Variants in ABCA4 observed in about 807,000 individuals in gnomAD.
ABCA4 encodes the protein retinal-specific phospholipid-transporting ATPase ABCA4.
Under a neutral mutation model 263.7 loss-of-function variants are expected in ABCA4, and 196 were observed. The observed-to-expected ratio is 0.74, with a 90% CI of 0.66 to 0.84. The LOEUF is 0.84. ABCA4 is among the 40% of genes least tolerant of loss of function. The probability of loss-of-function intolerance (pLI) is 0.00; values close to 1 mark genes in which losing one functional copy is unlikely to be tolerated. For missense variants in ABCA4, 2,792 were observed against 2,855.1 expected (o/e 0.98, Z 0.50); for synonymous variants, 1,133 against 1,094.2 (o/e 1.04, Z -0.70).
chr1:94,058,353 A>G (rs1490236274), intron 14 of ABCA4, among the ~76,000 whole-genome samples: 5 of 152,064 alleles, frequency 3.3e-5, no homozygotes. Context: ...GAATGAAATC[A>G]ATTTCTTTTT....
rs1660568001 is a variant in ABCA4, at chr1:94,043,274, G to A, written c.3190+62C>T. On this transcript the variant is annotated intron_variant, in intron 21 of 49. Coordinates refer to ENST00000370225, the MANE Select transcript of ABCA4 (RefSeq NM_000350.3). ...CTGCTCCAAGCCTCCCCTGCCTCCT[G>A]GGTGCACTGGGGAGCCATGGATTTG... 1.9e-6 allele frequency: 3 copies of A among 1,609,784 alleles called. No individual in the cohort carries two copies. The Admixed American group carries it at 5.0e-5, about 27-fold the overall frequency.
intron 36 of ABCA4, 107 bp from the exon 37 acceptor site, chr1:94,015,961 T>C: frequency 1.0e-6 from 1 of 956,158 alleles, no homozygotes; most frequent in South Asian, 1.4e-5. Flanking sequence ...GGTCTGGGAT[T>C]CTGATTCGAC....
At chr1:94,031,740 G>T in intron 27 of ABCA4, 38 bp downstream of exon 27, 1 of 1,612,096 alleles carries the variant, frequency 6.2e-7, no homozygotes, top group South Asian at 1.1e-5. Flanking sequence ...TGGGAGAGGA[G>T]CCACTGAGCT....
intron 1 of ABCA4, among the ~76,000 whole-genome samples, chr1:94,115,743 G>A (rs532091676): frequency 6.6e-6 from 1 of 152,252 alleles, no homozygotes; most frequent in South Asian, 2.1e-4. Context: ...TGCCTTACAG[G>A]GTTGTCGCAA....
In ABCA4 at chr1:94,098,888, A is replaced by C. The variant is rs1662211238; in HGVS notation, c.674T>G (p.Val225Gly). 1 of 1,613,916 alleles carries C rather than the reference A, an allele frequency of 6.2e-7. No individual in the cohort carries two copies. The highest frequency in any genetic ancestry group is 1.3e-5 in the African/African-American group (1 of 74,922). Reference protein sequence around the residue: ...IFSQRRGAKTVRYALCSLSQG... With the variant: ...IFSQRRGAKTGRYALCSLSQG... ...GGAGAGGGAGCACAGGGCATAGCGCACCGTCTTTGCCCCGCGTCTCTGGCT... is the reference window on the plus strand; with the variant it reads ...GGAGAGGGAGCACAGGGCATAGCGCCCCGTCTTTGCCCCGCGTCTCTGGCT... The change falls in exon 6 of 50, where the codon GTG becomes GGG. Residue 225 changes from valine to glycine, a missense_variant. By Grantham distance (109) the Val-to-Gly change is moderately radical. Coordinates refer to ENST00000370225, the MANE Select transcript of ABCA4 (RefSeq NM_000350.3).
intron 6 of ABCA4, among the ~76,000 whole-genome samples, chr1:94,097,706 T>G (rs1446402311): frequency 6.6e-6 from 1 of 152,136 alleles, no homozygotes; most frequent in Non-Finnish European, 1.5e-5. Context: ...GATTTAGCAC[T>G]TGCATCTTTT....
rs774460912 is a variant in ABCA4, at chr1:94,001,889, G to A, written c.6251C>T (p.Ala2084Val). The A allele has an allele frequency of 3.7e-6, 6 of 1,614,062 alleles. No individual in the cohort carries two copies. Among genetic ancestry groups the A allele is most frequent in the African/African-American group, 1.3e-5 (1 of 74,926 alleles). ...CACCAGCGGTGGGCAGCCAATGAGT[G>A]CGATGGCTGTGGAGAGTTTCCGCTT... ...GNKRKLSTAI[A>V]LIGCPPLVLL... The change falls in exon 45 of 50, where the codon GCA (alanine) becomes GTA (valine). Residue 2084 changes from alanine to valine, a missense_variant. Physicochemically the swap from Ala to Val is moderately conservative, Grantham distance 64. Coordinates refer to ENST00000370225, the MANE Select transcript of ABCA4 (RefSeq NM_000350.3).
intron 36 of ABCA4, 143 bp from the exon 37 acceptor site, chr1:94,015,997 G>T: frequency 2.6e-6 from 2 of 755,784 alleles, no homozygotes; most frequent in African/African-American, 1.7e-5. Flanking sequence ...TTCTTGGTTG[G>T]CAAACATATG....
chr1:94,013,768 C>A (rs1418661707), intron 38 of ABCA4, among the ~76,000 whole-genome samples: 1 of 152,166 alleles, frequency 6.6e-6, no homozygotes, highest in East Asian at 1.9e-4. Context: ...ATGGAGAACA[C>A]CCAGTCTCTT....
rs374336459 is a variant in ABCA4 at position 94,078,695 on chromosome 1, A to G, written c.1251T>C (p.Thr417=). ...TCCTAACGTGTTCCAGTTCTTCAAA[A>G]GTTGAGTTGGCCTAAAACCAGACAG... ...ARRILKNANS[T]FEELEHVRKL... Residue 417 remains threonine, a synonymous_variant, in exon 10 of 50, where the codon ACT becomes ACC. Transcript: ENST00000370225. 59 of 1,613,328 alleles carry G rather than the reference A, an allele frequency of 3.7e-5. No homozygotes were observed. Among genetic ancestry groups the G allele is most frequent in the Non-Finnish European group, 4.7e-5 (56 of 1,179,388 alleles).
At chr1:94,105,809 C>A (rs547883783) in intron 4 of ABCA4, among the ~76,000 whole-genome samples, 31 of 152,308 alleles carry the variant, frequency 2.0e-4, no homozygotes, top group Non-Finnish European at 3.8e-4. Context: ...TGCAGTACTG[C>A]AGGTTTGCCA....
At chr1:94,105,235 G>T (rs747274831) in intron 4 of ABCA4, among the ~76,000 whole-genome samples, 3 of 152,170 alleles carry the variant, frequency 2.0e-5, no homozygotes, top group Non-Finnish European at 2.9e-5. Context: ...AATAACTGTT[G>T]TCTTGACCTG....
chr1:94,094,808 C>G (rs1300827238), intron 6 of ABCA4, among the ~76,000 whole-genome samples: 2 of 152,106 alleles, frequency 1.3e-5, no homozygotes, highest in African/African-American at 2.4e-5. Context: ...ATGCCTTGGG[C>G]CAAATCAGAT....
At chr1:94,036,911 C>A (rs1156655342) in intron 25 of ABCA4, 123 bp from the exon 26 acceptor site, 1 of 1,001,274 alleles carries the variant, frequency 1.0e-6, no homozygotes, top group East Asian at 2.5e-5. Context: ...ACGACTCTAT[C>A]TGAGAACATC....
In ABCA4 at chr1:94,101,311, C is replaced by T. The variant is rs554278892; in HGVS notation, c.570+1704G>A. On this transcript the variant is annotated intron_variant, in intron 5 of 49. Transcript: ENST00000370225. ...AAGAGAAAGCAAAGGGGAAAATGAGCAATCGGTGCCGACAGCACCCCCTCT... is the reference window on the plus strand; with the variant it reads ...AAGAGAAAGCAAAGGGGAAAATGAGTAATCGGTGCCGACAGCACCCCCTCT... Among the ~76,000 whole-genome samples the T allele has an allele frequency of 2.6e-5, 4 of 151,532 alleles. No individual in the cohort carries two copies. The East Asian group carries it at 7.9e-4, about 30-fold the overall frequency.
intron 2 of ABCA4, among the ~76,000 whole-genome samples, chr1:94,112,174 G>C (rs529192665): frequency 2.0e-5 from 3 of 152,296 alleles, no homozygotes; most frequent in East Asian, 3.9e-4. Flanking sequence ...CCAGGTGAAG[G>C]CTTTCCCACA....
chr1:94,117,534 C>T (rs572472669), intron 1 of ABCA4, among the ~76,000 whole-genome samples: 1 of 152,248 alleles, frequency 6.6e-6, no homozygotes, highest in South Asian at 2.1e-4. Flanking sequence ...CACCAAGAGA[C>T]CCACCTAGTG....
chr1:94,043,047 C>G, intron 21 of ABCA4, 149 bp from the exon 22 acceptor site: 1 of 1,244,064 alleles, frequency 8.0e-7, no homozygotes, highest in Non-Finnish European at 1.2e-6. Flanking sequence ...AGCCCTAATA[C>G]TGTTCAGGCT....
intron 36 of ABCA4, among the ~76,000 whole-genome samples, chr1:94,018,931 T>C (rs983804018): frequency 6.6e-6 from 1 of 150,676 alleles, no homozygotes; most frequent in African/African-American, 2.4e-5. Flanking sequence ...GAAGGTCTTA[T>C]TATTTTGGCC....
Sources: gnomAD v4.1 joint callset for allele counts (sites outside exome capture counted in the v4.1 genomes callset) on GRCh38, gnomAD v4.1.1 for gene constraint, MANE v1.5 for transcripts, NCBI Gene and HGNC (gene_info 2026-07-23, HGNC 2026-07-21) for gene names.